Variants in ARL15 observed in about 807,000 individuals in gnomAD.
ARL15 encodes ADP-ribosylation factor-like protein 15.
A neutral mutation model predicts 25.2 loss-of-function variants in ARL15; 19 were observed. That is an observed-to-expected ratio of 0.75 (90% confidence interval 0.53 to 1.10). ARL15 has a LOEUF of 1.10. Ranked by LOEUF, ARL15 falls within the 50% of genes least tolerant of loss-of-function variation. The probability of loss-of-function intolerance (pLI) is 0.00; values close to 1 mark genes in which losing one functional copy is unlikely to be tolerated. For missense variants in ARL15, 220 were observed against 246.0 expected, an observed-to-expected ratio of 0.89 and a Z score of 0.71; for synonymous variants, 94 against 86.8, an observed-to-expected ratio of 1.08 and a Z score of -0.46.
intron 1 of ARL15, among the ~76,000 whole-genome samples, chr5:54,277,318 C>T (rs948136972): frequency 6.6e-6 from 1 of 152,114 alleles, no homozygotes; most frequent in African/African-American, 2.4e-5. Context: ...TAAGTAGGTA[C>T]AAGCAAATCT....
intron 4 of ARL15, among the ~76,000 whole-genome samples, chr5:54,028,070 G>A (rs1342985838): frequency 1.3e-5 from 2 of 151,892 alleles, no homozygotes; most frequent in East Asian, 3.9e-4. Context: ...ACAGGCACCC[G>A]CCACCACGCC....
chr5:53,960,299 A>G (rs1375405138), intron 4 of ARL15, among the ~76,000 whole-genome samples: 1 of 152,242 alleles, frequency 6.6e-6, no homozygotes, highest in African/African-American at 2.4e-5. Context: ...TTTAAAAACA[A>G]GAACACTAAA....
intron 4 of ARL15, among the ~76,000 whole-genome samples, chr5:53,918,207 A>G (rs2112006224): frequency 6.6e-6 from 1 of 152,116 alleles, no homozygotes; most frequent in Non-Finnish European, 1.5e-5. Context: ...ATTTATTTAG[A>G]CAGGGTCTCA....
At chr5:54,011,384 G>A (rs188038587) in intron 4 of ARL15, among the ~76,000 whole-genome samples, 19 of 152,068 alleles carry the variant, frequency 1.2e-4, no homozygotes, top group African/African-American at 4.3e-4. Context: ...TTCTTAAAAT[G>A]AGCACATTTC....
chr5:54,042,546 C>T (rs1258583865), intron 4 of ARL15, among the ~76,000 whole-genome samples: 2 of 152,200 alleles, frequency 1.3e-5, no homozygotes, highest in Admixed American at 6.5e-5. Context: ...TCTGCCCTTC[C>T]TTTAATAACT....
chr5:53,886,486 C>T lies in ARL15; in HGVS notation c.*75G>A. On this transcript the variant is annotated 3_prime_UTR_variant, in exon 5 of 5. Transcript: ENST00000504924. ...TACTGAAGCCAATATAGTCTTGATA[C>T]CAAAATAAAATTAAAATGAGAAACT... is the stretch of plus-strand genomic sequence containing the variant. The T allele has an allele frequency of 6.8e-7, 1 of 1,477,720 alleles. No individual in the cohort carries two copies. Among genetic ancestry groups the T allele is most frequent in the Non-Finnish European group, 9.0e-7 (1 of 1,111,048 alleles). 91.5% of individuals were successfully genotyped at this position (1,477,720 alleles called of 1,614,324 possible).
chr5:53,984,283 G>C (rs566003198), intron 4 of ARL15, among the ~76,000 whole-genome samples: 2 of 152,188 alleles, frequency 1.3e-5, no homozygotes, highest in East Asian at 3.9e-4. Flanking sequence ...ATCTGGAGTT[G>C]AGCTGCTCAT....
chr5:53,942,995 G>A (rs1561159252), intron 4 of ARL15, among the ~76,000 whole-genome samples: 1 of 152,144 alleles, frequency 6.6e-6, no homozygotes, highest in Non-Finnish European at 1.5e-5. Flanking sequence ...AGGGAAAATG[G>A]GAGGGGAGGA....
At position 54,227,249 on chromosome 5, in the gene ARL15, A is replaced by T. The variant is rs544541257; in HGVS notation, c.49-55321T>A. On this transcript the variant is annotated intron_variant, in intron 1 of 4. Coordinates refer to ENST00000504924, the MANE Select transcript of ARL15 (RefSeq NM_019087.3). Reference sequence around the variant, plus strand: ...CTGAGCTCACCTTCTCCCTTCACACACTGGGGAAGGAGGAGGCCTGATGAC... The same window carrying T: ...CTGAGCTCACCTTCTCCCTTCACACTCTGGGGAAGGAGGAGGCCTGATGAC... 2.2e-3 allele frequency among the ~76,000 whole-genome samples: 331 copies of T among 152,248 alleles called. 1 individual carries two copies. The highest frequency in any genetic ancestry group is 7.7e-3 in the African/African-American group (320 of 41,554).
At chr5:54,245,390 T>C (rs1273478211) in intron 1 of ARL15, among the ~76,000 whole-genome samples, 2 of 152,334 alleles carry the variant, frequency 1.3e-5, no homozygotes, top group South Asian at 2.1e-4. Context: ...CAGACACTTT[T>C]TGAATTAACA....
intron 4 of ARL15, among the ~76,000 whole-genome samples, chr5:54,077,966 C>A (rs115168382): frequency 3.0e-4 from 45 of 152,224 alleles, no homozygotes; most frequent in Non-Finnish European, 5.0e-4. Flanking sequence ...TGTGTGATGA[C>A]AATGTCTTTC....
At position 53,907,486 on chromosome 5, in the gene ARL15, A is replaced by ATTTT. The variant is rs1175615384; in HGVS notation, c.463-20774_463-20773insAAAA. Among the ~76,000 whole-genome samples the ATTTT allele has an allele frequency of 6.2e-3, 140 of 22,442 alleles. 2 individuals are homozygous for ATTTT. Among genetic ancestry groups the ATTTT allele is most frequent in the Non-Finnish European group, 8.5e-3 (116 of 13,726 alleles). 14.7% of individuals were successfully genotyped at this position (22,442 alleles called of 152,430 possible). Reference sequence around the variant, plus strand: ...TATATATATATATATATATATATATATATTTTTTTTTTTTTTTTTTTTTTT... The same window carrying ATTTT: ...TATATATATATATATATATATATATATTTTTATTTTTTTTTTTTTTTTTTTTTTT... On this transcript the variant is annotated intron_variant, in intron 4 of 4. Transcript: ENST00000504924.
intron 3 of ARL15, 39 bp from the exon 4 acceptor site, chr5:54,113,449 T>G: frequency 6.3e-7 from 1 of 1,581,548 alleles, no homozygotes; most frequent in Admixed American, 1.8e-5. Flanking sequence ...TAAAAAGAGC[T>G]TTCAGCAACT....
At chr5:54,194,592 C>G (rs1196288931) in intron 1 of ARL15, among the ~76,000 whole-genome samples, 3 of 152,138 alleles carry the variant, frequency 2.0e-5, no homozygotes, top group Admixed American at 6.6e-5. Context: ...GCTGTACTTT[C>G]CAGCCACCTA....
intron 4 of ARL15, among the ~76,000 whole-genome samples, chr5:53,901,235 A>C (rs1001546564): frequency 2.6e-5 from 4 of 152,072 alleles, no homozygotes; most frequent in African/African-American, 9.7e-5. Context: ...GGTATCAAGC[A>C]CTTTTAGGGT....
intron 4 of ARL15, among the ~76,000 whole-genome samples, chr5:53,909,667 T>C (rs1174099920): frequency 1.3e-5 from 2 of 152,108 alleles, no homozygotes; most frequent in South Asian, 2.1e-4. Flanking sequence ...AATCACGCCA[T>C]TGCAGTCCAG....
chr5:54,236,896 C>T (rs900651015), intron 1 of ARL15, among the ~76,000 whole-genome samples: 1 of 152,200 alleles, frequency 6.6e-6, no homozygotes, highest in East Asian at 1.9e-4. Context: ...GACACATAGC[C>T]ACTCAACTAC....
At chr5:53,975,517 G>C (rs530376126) in intron 4 of ARL15, among the ~76,000 whole-genome samples, 5 of 152,328 alleles carry the variant, frequency 3.3e-5, no homozygotes, top group African/African-American at 1.2e-4. Flanking sequence ...ATGTAGGGCA[G>C]TAAGCAGCAG....
At chr5:54,099,266 A>G (rs1752370121) in intron 4 of ARL15, among the ~76,000 whole-genome samples, 1 of 152,214 alleles carries the variant, frequency 6.6e-6, no homozygotes, top group Non-Finnish European at 1.5e-5. Flanking sequence ...GCAGAATGAT[A>G]TATCTGGAAC....
Sources: gnomAD v4.1 joint callset for allele counts (sites outside exome capture counted in the v4.1 genomes callset) on GRCh38, gnomAD v4.1.1 for gene constraint, MANE v1.5 for transcripts, NCBI Gene and HGNC (gene_info 2026-07-23, HGNC 2026-07-21) for gene names.